RAD51B: variants seen among roughly 807,000 people sequenced by gnomAD.
RAD51B encodes RAD51 paralog B.
A neutral mutation model predicts 42.2 loss-of-function variants in RAD51B; 38 were observed. The ratio of observed to expected loss-of-function variants is 0.90; its 90% CI spans 0.70 to 1.18. The LOEUF is 1.18. RAD51B is among the 50% of genes most tolerant of loss of function. RAD51B has a pLI of 0.00. For missense variants in RAD51B, 373 were observed against 400.7 expected (o/e 0.93, Z 0.59); for synonymous variants, 154 against 145.2 (o/e 1.06, Z -0.43).
intron 8 of RAD51B, among the ~76,000 whole-genome samples, chr14:68,337,697 A>G (rs921133909): frequency 6.6e-5 from 10 of 151,704 alleles, no homozygotes; most frequent in African/African-American, 2.2e-4. Flanking sequence ...AGTTTTTAAA[A>G]CCTCTTCAGG....
intron 7 of RAD51B, among the ~76,000 whole-genome samples, chr14:68,039,426 CA>C (rs754840073): frequency 0.06 from 3,857 of 63,834 alleles, 63 homozygotes; most frequent in African/African-American, 0.12. Context: ...GACTTCATTC[CA>C]AAAAAAAAAA....
At chr14:68,422,852 T>G (rs1230875461) in intron 9 of RAD51B, among the ~76,000 whole-genome samples, 2 of 152,200 alleles carry the variant, frequency 1.3e-5, no homozygotes, top group African/African-American at 4.8e-5. Flanking sequence ...TCCTGTAACC[T>G]TCACCTTACC....
chr14:68,477,409 GCGA>G (rs1330912290), intron 10 of RAD51B, among the ~76,000 whole-genome samples: 3 of 152,106 alleles, frequency 2.0e-5, no homozygotes, highest in African/African-American at 4.8e-5. Flanking sequence ...ACCCAGTGCA[GCGA>G]CACTCCCCTT....
At chr14:68,443,460 C>T (rs768929945) in intron 9 of RAD51B, among the ~76,000 whole-genome samples, 5 of 152,122 alleles carry the variant, frequency 3.3e-5, no homozygotes, top group South Asian at 2.1e-4. Flanking sequence ...TACATATCAA[C>T]GTAGCTTTTA....
At position 68,245,065 on chromosome 14, in the gene RAD51B, C is replaced by T. The variant is rs559403452; in HGVS notation, c.757-46819C>T. On this transcript the variant is annotated intron_variant, in intron 7 of 10. Coordinates refer to ENST00000471583, the MANE Select transcript of RAD51B (RefSeq NM_133510.4). ...TGATACCAAGGTGAAAACATCTAGGCAAAACCATAATCTATGTCCTCATTG... is the reference window on the plus strand; with the variant it reads ...TGATACCAAGGTGAAAACATCTAGGTAAAACCATAATCTATGTCCTCATTG... Among the ~76,000 whole-genome samples the T allele has an allele frequency of 4.6e-5, 7 of 152,280 alleles. No individual in the cohort carries two copies. The South Asian group carries it at 1.5e-3, about 32-fold the overall frequency.
intron 7 of RAD51B, among the ~76,000 whole-genome samples, chr14:68,101,749 A>T (rs1299286727): frequency 6.6e-6 from 1 of 151,922 alleles, no homozygotes; most frequent in Non-Finnish European, 1.5e-5. Context: ...CTGTCAGTGG[A>T]TCTGCCTTTC....
chr14:68,150,068 C>T (rs765843340), intron 7 of RAD51B, among the ~76,000 whole-genome samples: 6 of 152,264 alleles, frequency 3.9e-5, no homozygotes, highest in African/African-American at 7.2e-5. Flanking sequence ...CCTCAGCCTC[C>T]CAAGTAGTTG....
Position 68,235,703 on chromosome 14 carries a change from C to CAAA in RAD51B, c.757-56154_757-56152dup, listed in dbSNP as rs57180468. On this transcript the variant is annotated intron_variant, in intron 7 of 10. Transcript: ENST00000471583. ...TGGGCGACAGAGCGAGACTCCGTCT[C>CAAA]AAAAAAAAAAAAAAAAAAAAAAAAA... Among the ~76,000 whole-genome samples, 34 of 14,062 alleles carry CAAA rather than the reference C, an allele frequency of 2.4e-3. 3 individuals are homozygous for CAAA. The highest frequency in any genetic ancestry group is 3.3e-3 in the South Asian group (1 of 302). The allele number at this position is 14,062 out of a possible 152,430, so 9.2% of individuals were successfully genotyped here.
chr14:68,451,068 A>T lies in RAD51B; in HGVS notation c.958-17104A>T, dbSNP rs576865008. On this transcript the variant is annotated intron_variant, in intron 9 of 10. Transcript: ENST00000471583. The stretch of plus-strand genomic sequence containing the variant: ...GCTTCAGGGCCCTCTGTTTCAGGCA[A>T]GATAACCTATTCACTCATTCTATAG... Among the ~76,000 whole-genome samples the T allele has an allele frequency of 3.0e-4, 45 of 152,304 alleles. 2 individuals carry two copies. In the South Asian group the frequency reaches 5.6e-3, roughly 19 times the overall value.
chr14:68,100,192 G>T (rs1420796530), intron 7 of RAD51B, among the ~76,000 whole-genome samples: 1 of 151,990 alleles, frequency 6.6e-6, no homozygotes, highest in Non-Finnish European at 1.5e-5. Flanking sequence ...AACTATAGAA[G>T]GTAGAAGGAA....
At chr14:68,355,182 C>T (rs73274164) in intron 8 of RAD51B, among the ~76,000 whole-genome samples, 2,632 of 152,186 alleles carry the variant, frequency 0.017, 70 homozygotes, top group African/African-American at 0.058. Context: ...TTTTATGTCC[C>T]ATTTCTTATG....
chr14:68,458,156 T>C (rs1467112797), intron 9 of RAD51B, among the ~76,000 whole-genome samples: 3 of 152,144 alleles, frequency 2.0e-5, no homozygotes, highest in Admixed American at 1.3e-4. Context: ...TGTAATAAAA[T>C]TATTTTGGTC....
intron 7 of RAD51B, among the ~76,000 whole-genome samples, chr14:68,056,418 G>A (rs1310798270): frequency 6.6e-6 from 1 of 151,784 alleles, no homozygotes; most frequent in Non-Finnish European, 1.5e-5. Flanking sequence ...CAAAGTGCTG[G>A]GATTACAGGT....
chr14:68,308,532 C>T (rs1289029962), intron 8 of RAD51B, among the ~76,000 whole-genome samples: 5 of 151,998 alleles, frequency 3.3e-5, no homozygotes, highest in Non-Finnish European at 5.9e-5. Flanking sequence ...ATATTTTTCT[C>T]TGCCCTTAGA....
chr14:68,311,832 G>A (rs185541019), intron 8 of RAD51B, among the ~76,000 whole-genome samples: 25 of 152,320 alleles, frequency 1.6e-4, no homozygotes, highest in African/African-American at 5.8e-4. Flanking sequence ...GGTGGAGGTT[G>A]CAGTGAGCCA....
chr14:68,201,878 A>G (rs1051176566), intron 7 of RAD51B, among the ~76,000 whole-genome samples: 1 of 152,354 alleles, frequency 6.6e-6, no homozygotes, highest in Middle Eastern at 3.4e-3. Flanking sequence ...GGATTGGCAT[A>G]GAAAAGGCAT....
chr14:68,521,501 G>A (rs1886577148), intron 10 of RAD51B, among the ~76,000 whole-genome samples: 1 of 152,182 alleles, frequency 6.6e-6, no homozygotes, highest in African/African-American at 2.4e-5. Context: ...TAAGTGTGTA[G>A]GTATTAGGAA....
chr14:68,141,189 G>A (rs767091274), intron 7 of RAD51B, among the ~76,000 whole-genome samples: 4 of 152,028 alleles, frequency 2.6e-5, no homozygotes, highest in Non-Finnish European at 4.4e-5. Flanking sequence ...AACATTTTTT[G>A]TTTTAGAAAA....
chr14:68,563,405 C>G, intron 10 of RAD51B: 1 of 985,446 alleles, frequency 1.0e-6, no homozygotes, highest in Non-Finnish European at 1.2e-6. Flanking sequence ...CCCCCCAAGT[C>G]CAGAGCCCAG....
Sources: allele counts gnomAD v4.1 joint callset (sites outside exome capture counted in the v4.1 genomes callset), GRCh38; gene constraint gnomAD v4.1.1; transcripts MANE v1.5; gene names NCBI Gene and HGNC (gene_info 2026-07-23, HGNC 2026-07-21).